DCC: variants seen among roughly 807,000 people sequenced by gnomAD.
DCC encodes the protein DCC netrin 1 receptor.
In DCC, 58 loss-of-function variants were observed where a neutral mutation model predicts 172.5. That is an observed-to-expected ratio of 0.34 (90% CI 0.27 to 0.42). The LOEUF (loss-of-function observed/expected upper bound fraction) is 0.42, where lower values mean the gene tolerates loss of function less well. Among genes scored for constraint, DCC ranks in the 10% least tolerant of loss-of-function variants. The probability of loss-of-function intolerance (pLI) is 1.00; values close to 1 mark genes in which losing one functional copy is unlikely to be tolerated. For synonymous variants in DCC, 709 were observed against 644.5 expected (o/e 1.10, Z -1.52); for missense variants, 1,740 against 1,791.0 (o/e 0.97, Z 0.51).
rs190970837 is a variant in DCC at position 53,336,380 on chromosome 18, A to T, written c.2165-3333A>T. ...AATCACTCAGGTAGCATAAAAGGAA[A>T]ATTGTTATTTCTGCCTTTGTATTAA... On this transcript the variant is annotated intron_variant, in intron 14 of 28. Transcript: ENST00000442544. Among the ~76,000 whole-genome samples the T allele has an allele frequency of 3.9e-5, 6 of 152,310 alleles. No homozygotes were observed. The East Asian group carries it at 9.6e-4, about 24-fold the overall frequency.
intron 2 of DCC, among the ~76,000 whole-genome samples, chr18:52,832,923 T>C (rs1479504771): frequency 2.0e-5 from 3 of 152,090 alleles, no homozygotes; most frequent in Non-Finnish European, 4.4e-5. Context: ...AATTTTTTTT[T>C]CCAAAATTTA....
At chr18:53,165,872 A>G (rs1321990686) in intron 8 of DCC, among the ~76,000 whole-genome samples, 1 of 152,192 alleles carries the variant, frequency 6.6e-6, no homozygotes, top group African/African-American at 2.4e-5. Flanking sequence ...GCTTTAGTGG[A>G]AAGGAACATG....
intron 1 of DCC, among the ~76,000 whole-genome samples, chr18:52,590,703 A>G (rs991114916): frequency 6.6e-6 from 1 of 152,226 alleles, no homozygotes; most frequent in Non-Finnish European, 1.5e-5. Context: ...TGGTCATACC[A>G]GTGGCCCGAT....
At chr18:52,347,781 G>A (rs1462522675) in intron 1 of DCC, among the ~76,000 whole-genome samples, 3 of 151,998 alleles carry the variant, frequency 2.0e-5, no homozygotes, top group East Asian at 1.9e-4. Context: ...TTTGTACAAC[G>A]TATTTTTCCT....
intron 2 of DCC, among the ~76,000 whole-genome samples, chr18:52,793,670 T>G (rs2037818143): frequency 6.6e-6 from 1 of 152,204 alleles, no homozygotes; most frequent in South Asian, 2.1e-4. Flanking sequence ...CTATTTTGGT[T>G]TTGTTGCCTG....
In DCC at chr18:52,964,524, C is replaced by T. The variant is rs1025963752; in HGVS notation, c.985+39154C>T. 5.9e-5 allele frequency among the ~76,000 whole-genome samples: 9 copies of T among 151,808 alleles called. No homozygotes were observed. In the South Asian group the frequency reaches 6.2e-4, roughly 10 times the overall value. On this transcript the variant is annotated intron_variant, in intron 5 of 28. Coordinates refer to ENST00000442544, the MANE Select transcript of DCC (RefSeq NM_005215.4). ...CTATAGTTGGGTTTATTGCCATGTA[C>T]GTCAATCGATCGTAATTGATTTAGT... is the stretch of plus-strand genomic sequence containing the variant.
chr18:53,460,274 GT>G lies in DCC; in HGVS notation c.3619+845del, dbSNP rs766940670. Among the ~76,000 whole-genome samples the G allele has an allele frequency of 6.6e-3, 535 of 81,028 alleles. 2 individuals carry two copies. Among genetic ancestry groups the G allele is most frequent in the African/African-American group, 0.014 (282 of 20,396 alleles). The allele number at this position is 81,028 out of a possible 152,430, so 53.2% of individuals were successfully genotyped here. A position where few individuals can be genotyped will look rare whatever the true frequency, so the allele number is the denominator to read the frequency against. ...TGTGATTATAGAATGAGGAGCTCCT[GT>G]TTTTTTTTTTTTTTTTTTTTTTTTT... On this transcript the variant is annotated intron_variant, in intron 24 of 28. Coordinates refer to ENST00000442544, the MANE Select transcript of DCC (RefSeq NM_005215.4).
At position 52,702,042 on chromosome 18, in the gene DCC, G is replaced by C. The variant is rs182093764; in HGVS notation, c.92-50012G>C. ...ATTCTGTATGGTATATAAGCCCTGG[G>C]GGGTAATGGCACAGGGATCCACCAT... On this transcript the variant is annotated intron_variant, in intron 1 of 28. Transcript: ENST00000442544. Among the ~76,000 whole-genome samples the C allele has an allele frequency of 3.9e-5, 6 of 152,256 alleles. No homozygotes were observed. The South Asian group carries it at 1.2e-3, about 32-fold the overall frequency.
At chr18:52,706,871 T>G (rs930641557) in intron 1 of DCC, among the ~76,000 whole-genome samples, 1 of 152,040 alleles carries the variant, frequency 6.6e-6, no homozygotes, top group Non-Finnish European at 1.5e-5. Context: ...GCCCAAGGTG[T>G]CTCCTTTCTG....
At chr18:52,544,256 C>T (rs192126916) in intron 1 of DCC, among the ~76,000 whole-genome samples, 1 of 152,264 alleles carries the variant, frequency 6.6e-6, no homozygotes, top group Admixed American at 6.5e-5. Context: ...GGATTTTTGT[C>T]CTGCTGTCAT....
chr18:53,132,696 G>C (rs1442876794), intron 7 of DCC, among the ~76,000 whole-genome samples: 2 of 152,230 alleles, frequency 1.3e-5, no homozygotes, highest in East Asian at 3.9e-4. Context: ...GACCTGAAAG[G>C]GTGTGCACCT....
At chr18:53,459,672 T>C (rs2045527337) in intron 24 of DCC, among the ~76,000 whole-genome samples, 1 of 152,224 alleles carries the variant, frequency 6.6e-6, no homozygotes. Context: ...AATTCTTTTA[T>C]AATTTTGATA....
intron 1 of DCC, among the ~76,000 whole-genome samples, chr18:52,471,300 C>T (rs1988938568): frequency 6.6e-6 from 1 of 152,104 alleles, no homozygotes; most frequent in African/African-American, 2.4e-5. Flanking sequence ...CAGTGAGCCT[C>T]CAGCCTGGGC....
At chr18:53,391,065 C>T (rs902325207) in intron 16 of DCC, among the ~76,000 whole-genome samples, 2 of 152,150 alleles carry the variant, frequency 1.3e-5, no homozygotes, top group Non-Finnish European at 2.9e-5. Flanking sequence ...GCAATCACAG[C>T]CACACACAGG....
At chr18:52,382,730 G>A (rs890183609) in intron 1 of DCC, among the ~76,000 whole-genome samples, 1 of 152,012 alleles carries the variant, frequency 6.6e-6, no homozygotes, top group African/African-American at 2.4e-5. Flanking sequence ...GTAGATTGAT[G>A]GTGACTTTAA....
rs761641429 is a variant in DCC, at chr18:53,226,476, C to A, written c.1911+10879C>A. On this transcript the variant is annotated intron_variant, in intron 12 of 28. Coordinates refer to ENST00000442544, the MANE Select transcript of DCC (RefSeq NM_005215.4). ...ATTTCTCCCCATGGGACTTAAAAAG[C>A]ACATCAGCGGGACAGCAGGTTTTTA... is the stretch of plus-strand genomic sequence containing the variant. 1.3e-5 allele frequency among the ~76,000 whole-genome samples: 2 copies of A among 152,118 alleles called. 1 individual carries two copies.
At chr18:52,754,266 G>A (rs1324982783) in intron 2 of DCC, 1 of 152,136 alleles carries the variant, frequency 6.6e-6, no homozygotes, top group East Asian at 1.9e-4. Flanking sequence ...ATAGATATGT[G>A]GTTAATTCCC....
At chr18:52,375,895 G>C in intron 1 of DCC, among the ~76,000 whole-genome samples, 1 of 151,976 alleles carries the variant, frequency 6.6e-6, no homozygotes, top group East Asian at 1.9e-4. Context: ...ATAGCTGTTG[G>C]GGTGCTAAGT....
chr18:52,814,220 A>G (rs1598830010), intron 2 of DCC, among the ~76,000 whole-genome samples: 1 of 152,238 alleles, frequency 6.6e-6, no homozygotes, highest in Non-Finnish European at 1.5e-5. Context: ...GTCAAGCACA[A>G]GGTCAACCTC....
Sources: allele counts gnomAD v4.1 joint callset (sites outside exome capture counted in the v4.1 genomes callset), GRCh38; gene constraint gnomAD v4.1.1; transcripts MANE v1.5; gene names NCBI Gene and HGNC (gene_info 2026-07-23, HGNC 2026-07-21).